VPS50: variants seen among roughly 807,000 people sequenced by gnomAD.
VPS50 encodes VPS50 subunit of EARP/GARPII complex, also known as syndetin.
Under a neutral mutation model 139.7 loss-of-function variants are expected in VPS50, and 70 were observed. The ratio of observed to expected loss-of-function variants is 0.50; its 90% CI spans 0.41 to 0.61. The LOEUF (loss-of-function observed/expected upper bound fraction) is 0.61. Among genes scored for constraint, VPS50 ranks in the 20% least tolerant of loss-of-function variants. The pLI is 0.00. For missense variants in VPS50, 921 were observed against 1,133.7 expected (o/e 0.81, Z 2.69); for synonymous variants, 365 against 376.7 (o/e 0.97, Z 0.36).
At chr7:93,345,247 T>A (rs1300810489) in intron 23 of VPS50, among the ~76,000 whole-genome samples, 2 of 152,190 alleles carry the variant, frequency 1.3e-5, no homozygotes, top group African/African-American at 4.8e-5. Flanking sequence ...GATAAATTCC[T>A]CGACACATAC....
intron 14 of VPS50, among the ~76,000 whole-genome samples, chr7:93,295,683 A>G (rs1322591812): frequency 1.3e-5 from 2 of 151,824 alleles, no homozygotes; most frequent in Admixed American, 6.6e-5. Flanking sequence ...AATGAGGCTG[A>G]TCTTTATTTT....
At position 93,288,533 on chromosome 7, in the gene VPS50, G is replaced by A. The variant is rs1796559151; in HGVS notation, c.943-3170G>A. On this transcript the variant is annotated intron_variant, in intron 12 of 27. Transcript: ENST00000305866. ...GCTAGGTTGAAGAAAAAATACACAC[G>A]TAGGTTTTGTTAGATCGTGACAAAT... is the stretch of plus-strand genomic sequence containing the variant. Among the ~76,000 whole-genome samples the A allele has an allele frequency of 2.0e-5, 3 of 152,212 alleles. No individual in the cohort carries two copies. In the South Asian group the frequency reaches 6.2e-4, roughly 32 times the overall value.
intron 1 of VPS50, among the ~76,000 whole-genome samples, chr7:93,235,195 G>A (rs1191245080): frequency 7.9e-5 from 12 of 152,174 alleles, no homozygotes; most frequent in African/African-American, 2.4e-5. Context: ...CCTGAGGCAG[G>A]AGCTTGTTTG....
chr7:93,244,977 T>G (rs1053811573), intron 2 of VPS50, among the ~76,000 whole-genome samples: 1 of 151,860 alleles, frequency 6.6e-6, no homozygotes, highest in Non-Finnish European at 1.5e-5. Flanking sequence ...TACAGTCCAT[T>G]TGGCAAACAC....
chr7:93,257,729 CTTTTTTCTT>C (rs1795530441), intron 6 of VPS50: 1 of 282,406 alleles, frequency 3.5e-6, no homozygotes, highest in Admixed American at 4.9e-5. Context: ...AAAGCACCTA[CTTTTTTCTT>C]TCTAAAATTT....
At chr7:93,343,675 T>C (rs1798296596) in intron 23 of VPS50, among the ~76,000 whole-genome samples, 1 of 152,190 alleles carries the variant, frequency 6.6e-6, no homozygotes, top group Non-Finnish European at 1.5e-5. Context: ...TAGGGGCCAA[T>C]ATTCAACATT....
At chr7:93,315,840 T>G (rs1797411880) in intron 20 of VPS50, among the ~76,000 whole-genome samples, 1 of 150,040 alleles carries the variant, frequency 6.7e-6, no homozygotes, top group Non-Finnish European at 1.5e-5. Flanking sequence ...CACCAGATTT[T>G]TTTTTTTTTT....
chr7:93,233,935 C>T (rs1299288511), intron 1 of VPS50, among the ~76,000 whole-genome samples: 1 of 152,186 alleles, frequency 6.6e-6, no homozygotes, highest in African/African-American at 2.4e-5. Context: ...TGCTTGAACG[C>T]AGAGACCGTT....
chr7:93,286,072 T>G (rs1174275005), intron 12 of VPS50, among the ~76,000 whole-genome samples: 1 of 152,184 alleles, frequency 6.6e-6, no homozygotes, highest in African/African-American at 2.4e-5. Context: ...TCTTTTCCCC[T>G]CACTTTACAG....
intron 27 of VPS50, 91 bp from the exon 28 acceptor site, chr7:93,358,226 A>G (rs920106263): frequency 2.1e-5 from 24 of 1,160,230 alleles, no homozygotes; most frequent in Middle Eastern, 2.0e-4. Context: ...GTAACTATCC[A>G]CTGCACCTGA....
Position 93,359,231 on chromosome 7 carries a change from GGTTT to G in VPS50, c.*796_*799del, listed in dbSNP as rs988419061. On this transcript the variant is annotated 3_prime_UTR_variant, in exon 28 of 28. Transcript: ENST00000305866. ...TTTATCTTTCTTTATAAAAATATGT[GGTTT>G]TTTTGTTGAAAGTTTTGGTCTCTTT... The G allele has an allele frequency of 2.0e-5, 3 of 151,898 alleles. No homozygotes were observed. The highest frequency in any genetic ancestry group is 2.0e-4 in the Admixed American group (3 of 15,228). The allele number at this position is 151,898 out of a possible 1,614,324, so 9.4% of individuals were successfully genotyped here. A position where few individuals can be genotyped will look rare whatever the true frequency, so the allele number is the denominator to read the frequency against.
At position 93,247,150 on chromosome 7, in the gene VPS50, C is replaced by G. The variant is rs952097432; in HGVS notation, c.103-5503C>G. Among the ~76,000 whole-genome samples, 4 of 151,824 alleles carry G rather than the reference C, an allele frequency of 2.6e-5. No individual in the cohort carries two copies. In the South Asian group the frequency reaches 6.2e-4, roughly 24 times the overall value. ...GCAACCTTATTGCATGTTGTGACTG[C>G]TGGAAAAACACAGCCTCTAAAACGT... On this transcript the variant is annotated intron_variant, in intron 2 of 27. Transcript: ENST00000305866.
chr7:93,345,995 AG>A (rs1798381648), intron 23 of VPS50, among the ~76,000 whole-genome samples: 1 of 152,206 alleles, frequency 6.6e-6, no homozygotes, highest in Non-Finnish European at 1.5e-5. Flanking sequence ...AGTCAGGAGA[AG>A]GAAATAAAGG....
At position 93,308,635 on chromosome 7, in the gene VPS50, T is replaced by A. The variant is rs188582721; in HGVS notation, c.1630-189T>A. On this transcript the variant is annotated intron_variant, in intron 18 of 27. Transcript: ENST00000305866. ...TTATAGGTGTAATATTTTTCTTTTG[T>A]GCTGATTGAGGTAGAATGATGAAGA... Among the ~76,000 whole-genome samples, 282 of 152,054 alleles carry A rather than the reference T, an allele frequency of 1.9e-3. 1 individual carries two copies. Among genetic ancestry groups the A allele is most frequent in the African/African-American group, 6.5e-3 (270 of 41,538 alleles).
intron 9 of VPS50, among the ~76,000 whole-genome samples, chr7:93,263,026 C>G (rs1257856549): frequency 6.6e-6 from 1 of 152,194 alleles, no homozygotes; most frequent in Non-Finnish European, 1.5e-5. Flanking sequence ...ATTAGATACA[C>G]CTCTTTTTTT....
At chr7:93,246,077 CG>C (rs1562847831) in intron 2 of VPS50, 1 of 1,479,928 alleles carries the variant, frequency 6.8e-7, no homozygotes, top group Admixed American at 2.1e-5. Flanking sequence ...GGTCACTAAA[CG>C]CTTCTTTTTT....
chr7:93,309,883 T>C (rs1797217381), intron 19 of VPS50, among the ~76,000 whole-genome samples: 1 of 152,046 alleles, frequency 6.6e-6, no homozygotes, highest in African/African-American at 2.4e-5. Context: ...ATGATAAGTA[T>C]ATTCTTATCG....
intron 21 of VPS50, among the ~76,000 whole-genome samples, chr7:93,326,727 G>A (rs2117029992): frequency 6.6e-6 from 1 of 152,018 alleles, no homozygotes; most frequent in South Asian, 2.1e-4. Flanking sequence ...ATGTTTGACA[G>A]TTTTCTGTGT....
intron 21 of VPS50, among the ~76,000 whole-genome samples, chr7:93,329,302 T>C (rs756716876): frequency 9.2e-5 from 14 of 151,424 alleles, no homozygotes; most frequent in Non-Finnish European, 1.8e-4. Context: ...AAAATACAAT[T>C]TCAAAAAACA....
Sources: gnomAD v4.1 joint callset for allele counts (sites outside exome capture counted in the v4.1 genomes callset) on GRCh38, gnomAD v4.1.1 for gene constraint, MANE v1.5 for transcripts, NCBI Gene and HGNC (gene_info 2026-07-23, HGNC 2026-07-21) for gene names.